NKAIN2: variants seen among roughly 807,000 people sequenced by gnomAD.
NKAIN2 encodes sodium/potassium-transporting ATPase subunit beta-1-interacting protein 2.
NKAIN2 carries 14 observed loss-of-function variants against 32.6 expected under a neutral mutation model. That is an observed-to-expected ratio of 0.43 (90% confidence interval 0.28 to 0.67). NKAIN2 has a LOEUF of 0.67. Among genes scored for constraint, NKAIN2 ranks in the 30% least tolerant of loss-of-function variants. The pLI, the probability that NKAIN2 is intolerant of heterozygous loss-of-function variation, is 0.17. For missense variants in NKAIN2, 198 were observed against 258.3 expected (o/e 0.77, Z 1.60); for synonymous variants, 80 against 87.2 (o/e 0.92, Z 0.46).
intron 4 of NKAIN2, among the ~76,000 whole-genome samples, chr6:124,729,703 G>T (rs1199466989): frequency 1.3e-5 from 2 of 150,482 alleles, no homozygotes; most frequent in East Asian, 4.0e-4. Flanking sequence ...TGGAAGTTCT[G>T]GCCAGGGCAA....
In NKAIN2 at chr6:124,465,163, C is replaced by T. The variant is rs1304082724; in HGVS notation, c.273+109816C>T. ...ACCCAAAGGATTATAAATATTTCTA[C>T]TATAAAGACACATGCACATGTATGT... On this transcript the variant is annotated intron_variant, in intron 3 of 6. Coordinates refer to ENST00000368417, the MANE Select transcript of NKAIN2 (RefSeq NM_001040214.3). 2.0e-5 allele frequency among the ~76,000 whole-genome samples: 3 copies of T among 152,156 alleles called. No homozygotes were observed. The South Asian group carries it at 6.2e-4, about 32-fold the overall frequency.
intron 3 of NKAIN2, among the ~76,000 whole-genome samples, chr6:124,573,488 T>C (rs1259149246): frequency 6.6e-6 from 1 of 152,152 alleles, no homozygotes; most frequent in Non-Finnish European, 1.5e-5. Flanking sequence ...TTTTTCTGGG[T>C]ATTTTAAGTG....
intron 1 of NKAIN2, among the ~76,000 whole-genome samples, chr6:124,270,112 TCTC>T (rs1381329218): frequency 6.6e-6 from 1 of 152,062 alleles, no homozygotes; most frequent in Non-Finnish European, 1.5e-5. Context: ...GACATCTCCT[TCTC>T]CTGATGACAA....
At chr6:124,333,430 C>T (rs1380990117) in intron 2 of NKAIN2, among the ~76,000 whole-genome samples, 4 of 151,550 alleles carry the variant, frequency 2.6e-5, no homozygotes, top group Non-Finnish European at 5.9e-5. Context: ...GAAGCCAAAG[C>T]GGGGGGATCA....
chr6:124,721,458 T>A (rs898669283), intron 4 of NKAIN2, among the ~76,000 whole-genome samples: 2 of 151,972 alleles, frequency 1.3e-5, no homozygotes, highest in Non-Finnish European at 1.5e-5. Context: ...ATCAGACATT[T>A]CAACAAATTC....
At chr6:124,349,204 C>T (rs1455846963) in intron 2 of NKAIN2, among the ~76,000 whole-genome samples, 2 of 152,024 alleles carry the variant, frequency 1.3e-5, no homozygotes, top group Non-Finnish European at 2.9e-5. Flanking sequence ...CAGGAACCCT[C>T]AGCAAAGCAA....
chr6:124,360,018 C>T (rs1265680095), intron 3 of NKAIN2, among the ~76,000 whole-genome samples: 1 of 152,162 alleles, frequency 6.6e-6, no homozygotes, highest in African/African-American at 2.4e-5. Context: ...TTTTCTGCAT[C>T]TATTGAGATA....
At chr6:124,648,352 A>G (rs945461474) in intron 3 of NKAIN2, among the ~76,000 whole-genome samples, 2 of 152,224 alleles carry the variant, frequency 1.3e-5, no homozygotes, top group African/African-American at 2.4e-5. Flanking sequence ...CTTGAGAAAG[A>G]CATTCCTGAG....
chr6:124,598,972 A>G (rs1782202956), intron 3 of NKAIN2, among the ~76,000 whole-genome samples: 1 of 151,980 alleles, frequency 6.6e-6, no homozygotes, highest in Admixed American at 6.6e-5. Flanking sequence ...TAAGGGTACT[A>G]ATATTCCAAT....
intron 5 of NKAIN2, among the ~76,000 whole-genome samples, chr6:124,808,523 T>C (rs1243856502): frequency 1.3e-5 from 2 of 152,138 alleles, no homozygotes; most frequent in African/African-American, 4.8e-5. Context: ...CCACAGCCAA[T>C]ATCATACTGA....
intron 4 of NKAIN2, among the ~76,000 whole-genome samples, chr6:124,713,231 C>A (rs1372692528): frequency 6.6e-6 from 1 of 152,122 alleles, no homozygotes. Context: ...AGATTAAATT[C>A]TTTGTACCTG....
intron 4 of NKAIN2, among the ~76,000 whole-genome samples, chr6:124,713,771 C>T (rs1309685135): frequency 6.6e-6 from 1 of 152,086 alleles, no homozygotes; most frequent in Non-Finnish European, 1.5e-5. Context: ...AATAAAGAGG[C>T]AGAATTTTAC....
chr6:124,802,710 C>G (rs1005557199), intron 5 of NKAIN2, among the ~76,000 whole-genome samples: 2 of 152,098 alleles, frequency 1.3e-5, no homozygotes, highest in Non-Finnish European at 2.9e-5. Context: ...TCTAAGATGC[C>G]CAGTTCTGAA....
At chr6:124,741,926 T>C (rs1472898245) in intron 4 of NKAIN2, among the ~76,000 whole-genome samples, 1 of 151,788 alleles carries the variant, frequency 6.6e-6, no homozygotes, top group Non-Finnish European at 1.5e-5. Flanking sequence ...CAGTGAAGAG[T>C]AGAGGCCTAG....
chr6:124,334,591 T>C (rs899918367), intron 2 of NKAIN2, among the ~76,000 whole-genome samples: 1 of 152,140 alleles, frequency 6.6e-6, no homozygotes, highest in African/African-American at 2.4e-5. Flanking sequence ...AGTTTATAGA[T>C]CTGGGTGGCA....
intron 4 of NKAIN2, among the ~76,000 whole-genome samples, chr6:124,770,158 T>C (rs1778684574): frequency 6.6e-6 from 1 of 152,186 alleles, no homozygotes; most frequent in Admixed American, 6.5e-5. Flanking sequence ...AACTAAACAT[T>C]ACTTTAAAAA....
At chr6:124,155,537 G>GA (rs1182040218) in intron 1 of NKAIN2, among the ~76,000 whole-genome samples, 1 of 150,848 alleles carries the variant, frequency 6.6e-6, no homozygotes, top group African/African-American at 2.4e-5. Flanking sequence ...TCAGGAAATG[G>GA]AAAAAATGAG....
chr6:124,388,141 C>T (rs911487120), intron 3 of NKAIN2, among the ~76,000 whole-genome samples: 11 of 151,834 alleles, frequency 7.2e-5, no homozygotes, highest in African/African-American at 2.7e-4. Context: ...TACCCTAGAT[C>T]TAGACTACTT....
At chr6:124,513,712 CCA>C (rs2114779246) in intron 3 of NKAIN2, among the ~76,000 whole-genome samples, 1 of 152,056 alleles carries the variant, frequency 6.6e-6, no homozygotes, top group East Asian at 1.9e-4. Flanking sequence ...AACAGAATCA[CCA>C]AAAGTCTATT....
Sources: gnomAD v4.1 joint callset for allele counts (sites outside exome capture counted in the v4.1 genomes callset) on GRCh38, gnomAD v4.1.1 for gene constraint, MANE v1.5 for transcripts, NCBI Gene and HGNC (gene_info 2026-07-23, HGNC 2026-07-21) for gene names.